PFKFB3: variants seen among roughly 807,000 people sequenced by gnomAD.
PFKFB3 encodes 6-phosphofructo-2-kinase/fructose-2,6-bisphosphatase 3.
PFKFB3 carries 33 observed loss-of-function variants against 68.0 expected under a neutral mutation model. That is an observed-to-expected ratio of 0.49 (90% CI 0.37 to 0.65). The LOEUF (loss-of-function observed/expected upper bound fraction) is 0.65. Among genes scored for constraint, PFKFB3 ranks in the 30% least tolerant of loss-of-function variants. PFKFB3 has a pLI of 0.00. For missense variants in PFKFB3, 586 were observed against 712.2 expected, an observed-to-expected ratio of 0.82 and a Z score of 2.02; for synonymous variants, 315 against 288.2, an observed-to-expected ratio of 1.09 and a Z score of -0.94.
At chr10:6,226,860 C>T (rs1010201992) in intron 14 of PFKFB3, among the ~76,000 whole-genome samples, 4 of 152,114 alleles carry the variant, frequency 2.6e-5, no homozygotes, top group Admixed American at 1.3e-4. Flanking sequence ...CCGAGGTGGG[C>T]GGATCACCTG....
At chr10:6,273,727 C>T in the PFKFB3 span, among the ~76,000 whole-genome samples, 1 of 152,016 alleles carries the variant, frequency 6.6e-6, no homozygotes, top group Admixed American at 6.6e-5. Context: ...GGCTGATGTC[C>T]TTATAAAAAA....
intron 1 of PFKFB3, among the ~76,000 whole-genome samples, chr10:6,175,132 T>G (rs558882267): frequency 2.3e-4 from 35 of 152,330 alleles, no homozygotes; most frequent in African/African-American, 8.2e-4. Flanking sequence ...TTCTTTTCTT[T>G]CAAAATTAAA....
chr10:6,185,929 C>G (rs955755176), intron 1 of PFKFB3, among the ~76,000 whole-genome samples: 1 of 152,028 alleles, frequency 6.6e-6, no homozygotes, highest in Admixed American at 6.6e-5. Context: ...CATGAGCCAC[C>G]GCGCCTGGCC....
intron 1 of PFKFB3, among the ~76,000 whole-genome samples, chr10:6,177,539 T>C (rs995858206): frequency 6.7e-6 from 1 of 149,704 alleles, no homozygotes; most frequent in African/African-American, 2.5e-5. Flanking sequence ...TCTTTTTTTT[T>C]TTTGAGACGG....
chr10:6,247,638 C>T (rs929514098), intron 14 of PFKFB3, among the ~76,000 whole-genome samples: 1 of 152,182 alleles, frequency 6.6e-6, no homozygotes, highest in African/African-American at 2.4e-5. Flanking sequence ...TCCTAAGGAA[C>T]GCCTCCCTCT....
At chr10:6,181,485 C>T (rs1245077676) in intron 1 of PFKFB3, among the ~76,000 whole-genome samples, 1 of 152,198 alleles carries the variant, frequency 6.6e-6, no homozygotes, top group Non-Finnish European at 1.5e-5. Context: ...CATACATCAG[C>T]CCTGAAGACA....
At chr10:6,145,338 C>G (rs957310788) in intron 1 of PFKFB3, among the ~76,000 whole-genome samples, 2 of 152,048 alleles carry the variant, frequency 1.3e-5, no homozygotes, top group African/African-American at 2.4e-5. Flanking sequence ...TCTGCAGCCC[C>G]GCATTGTGCC....
At chr10:6,202,001 T>C (rs987401303), upstream of PFKFB3, among the ~76,000 whole-genome samples, 3 of 152,178 alleles carry the variant, frequency 2.0e-5, no homozygotes, top group African/African-American at 7.2e-5. Context: ...ACGGAGTGAA[T>C]TTTAGGAGTC....
chr10:6,217,731 C>T (rs562899523), intron 6 of PFKFB3, among the ~76,000 whole-genome samples: 1 of 152,160 alleles, frequency 6.6e-6, no homozygotes, highest in African/African-American at 2.4e-5. Context: ...ATTGAGGGCA[C>T]TTGGCATCAT....
chr10:6,175,271 AG>A (rs1842429927), intron 1 of PFKFB3, among the ~76,000 whole-genome samples: 1 of 152,232 alleles, frequency 6.6e-6, no homozygotes, highest in Non-Finnish European at 1.5e-5. Context: ...TGCATCTCTC[AG>A]TCTTGCTCCG....
At chr10:6,287,165 C>T in the PFKFB3 span, among the ~76,000 whole-genome samples, 1 of 152,176 alleles carries the variant, frequency 6.6e-6, no homozygotes, top group African/African-American at 2.4e-5. Flanking sequence ...CAGCTCACTG[C>T]AACCTCCATC....
the PFKFB3 span, chr10:6,293,204 G>C: frequency 3.0e-5 from 14 of 470,260 alleles, no homozygotes; most frequent in South Asian, 2.3e-4. Flanking sequence ...AGTAACTCGA[G>C]TCCCAGATGT....
intron 1 of PFKFB3, among the ~76,000 whole-genome samples, chr10:6,147,211 G>T (rs1841420697): frequency 6.6e-6 from 1 of 152,238 alleles, no homozygotes; most frequent in African/African-American, 2.4e-5. Flanking sequence ...TGACGGAGGT[G>T]CAGGAGACGC....
At chr10:6,224,352 T>C in intron 13 of PFKFB3, 139 bp downstream of exon 13, 1 of 719,760 alleles carries the variant, frequency 1.4e-6, no homozygotes, top group Non-Finnish European at 2.4e-6. Context: ...GCTGCCTTCC[T>C]CAGCACCTCT....
At chr10:6,202,860 C>T, upstream of PFKFB3, 1 of 1,031,168 alleles carries the variant, frequency 9.7e-7, no homozygotes, top group Non-Finnish European at 1.2e-6. Context: ...GAATGCGGCC[C>T]GCCCCGAGGC....
chr10:6,222,043 C>T (rs1421330537), intron 10 of PFKFB3, among the ~76,000 whole-genome samples: 2 of 151,538 alleles, frequency 1.3e-5, no homozygotes, highest in Non-Finnish European at 2.9e-5. Flanking sequence ...GGAGGGGTGG[C>T]TCTATATCCC....
Position 6,229,771 on chromosome 10 carries a change from AC to A in PFKFB3, c.1516-3121del. On this transcript the variant is annotated intron_variant, in intron 14 of 14. Coordinates refer to ENST00000379775, the MANE Select transcript of PFKFB3 (RefSeq NM_004566.4). This position sits in a 1 kb window ranked among gnomAD's most constrained non-coding sequence, Gnocchi z 4.3. The stretch of plus-strand genomic sequence containing the variant: ...GTCCCCGACCTTTTTGGTACCAGGG[AC>A]CCGTTTCGTGGAAGAGAATTTTCCC... 6.6e-6 allele frequency among the ~76,000 whole-genome samples: 1 copy of A among 152,114 alleles called. No individual in the cohort carries two copies.
At chr10:6,213,860 G>T in intron 2 of PFKFB3, 112 bp downstream of exon 2, 6 of 1,167,904 alleles carry the variant, frequency 5.1e-6, no homozygotes, top group Non-Finnish European at 7.3e-6. Context: ...CCCCTGGTCG[G>T]GGAGTCTGAT....
At chr10:6,304,338 G>A in the PFKFB3 span, among the ~76,000 whole-genome samples, 2 of 151,960 alleles carry the variant, frequency 1.3e-5, no homozygotes, top group African/African-American at 4.8e-5. Context: ...GAGACATGGT[G>A]GATTTGGGGT....
Sources: gnomAD v4.1 joint callset for allele counts (sites outside exome capture counted in the v4.1 genomes callset) on GRCh38, gnomAD v4.1.1 for gene constraint, Gnocchi (gnomAD v3.1) non-coding constraint, MANE v1.5 for transcripts, NCBI Gene and HGNC (gene_info 2026-07-23, HGNC 2026-07-21) for gene names.